Variants in TATDN2 observed in about 807,000 individuals in gnomAD.
The protein encoded by TATDN2 is 3'-5' RNA nuclease TATDN2.
A neutral mutation model predicts 60.3 loss-of-function variants in TATDN2; 44 were observed. That is an observed-to-expected ratio of 0.73 (90% confidence interval 0.57 to 0.94). The LOEUF (loss-of-function observed/expected upper bound fraction) is 0.94. Among genes scored for constraint, TATDN2 ranks in the 40% least tolerant of loss-of-function variants. The pLI is 0.00. For synonymous variants in TATDN2, 399 were observed against 355.8 expected, an observed-to-expected ratio of 1.12 and a Z score of -1.37; for missense variants, 997 against 948.0, an observed-to-expected ratio of 1.05 and a Z score of -0.68.
chr3:10,259,203 G>T (rs777615795), intron 2 of TATDN2, among the ~76,000 whole-genome samples: 2 of 152,160 alleles, frequency 1.3e-5, no homozygotes, highest in Non-Finnish European at 2.9e-5. Flanking sequence ...CGCCATGTTG[G>T]CCAGGCTTGT....
In TATDN2 at chr3:10,278,950, C is replaced by T. The variant is rs774125349; in HGVS notation, c.2211C>T (p.Ala737=). The change falls in exon 7 of 8, where the codon GCC becomes GCT. Residue 737 remains alanine, a synonymous_variant. Transcript: ENST00000448281. This position sits in a 1 kb window ranked among gnomAD's most constrained non-coding sequence, Gnocchi z 4.7. ...CCTTGCATACGGTCCGAGAGATTGC[C>T]AGAGTCAAAGATCAGCCACTCTCCC... ...GLALHTVREI[A]RVKDQPLSLT... is the part of the protein sequence containing the mutation. 10 of 1,613,824 alleles carry T rather than the reference C, an allele frequency of 6.2e-6. No individual in the cohort carries two copies. In the South Asian group the frequency reaches 1.1e-4, roughly 18 times the overall value.
intron 3 of TATDN2, among the ~76,000 whole-genome samples, chr3:10,261,682 TAC>T (rs1471921430): frequency 6.6e-6 from 1 of 152,224 alleles, no homozygotes; most frequent in Non-Finnish European, 1.5e-5. Context: ...TCCTCCATCT[TAC>T]TCGTCTCCAC....
intron 3 of TATDN2, among the ~76,000 whole-genome samples, chr3:10,266,805 T>C (rs1418348878): frequency 6.6e-6 from 1 of 152,216 alleles, no homozygotes; most frequent in African/African-American, 2.4e-5. Flanking sequence ...AGAAATGTTC[T>C]TGTGGGCTGC....
intron 2 of TATDN2, among the ~76,000 whole-genome samples, chr3:10,251,938 G>A (rs1216663162): frequency 1.3e-5 from 2 of 150,798 alleles, no homozygotes; most frequent in Non-Finnish European, 3.0e-5. Flanking sequence ...CACGAGGTCA[G>A]GAGATTGAGA....
intron 2 of TATDN2, among the ~76,000 whole-genome samples, chr3:10,259,193 C>T (rs1028461623): frequency 1.3e-5 from 2 of 151,424 alleles, no homozygotes; most frequent in Admixed American, 6.6e-5. Flanking sequence ...GATGGGGTTT[C>T]GCCATGTTGG....
rs967560015 is a variant in TATDN2, at chr3:10,280,839, T to C, written c.*1657T>C. On this transcript the variant is annotated 3_prime_UTR_variant, in exon 8 of 8. Coordinates refer to ENST00000448281, the MANE Select transcript of TATDN2 (RefSeq NM_014760.4). ...ACTGCCGAGCATATCAAAGTGTTTA[T>C]AGTCACCAAGTGAACTGCAGCACAA... 2.0e-5 allele frequency: 3 copies of C among 153,648 alleles called. No homozygotes were observed. Among genetic ancestry groups the C allele is most frequent in the Admixed American group, 6.5e-5 (1 of 15,276 alleles). The allele number at this position is 153,648 out of a possible 1,614,324, so 9.5% of individuals were successfully genotyped here.
chr3:10,264,966 G>T (rs1413079884), intron 3 of TATDN2, among the ~76,000 whole-genome samples: 1 of 139,778 alleles, frequency 7.2e-6, no homozygotes, highest in South Asian at 2.3e-4. Flanking sequence ...GTGAGCCACC[G>T]CGCCTGGCTC....
intron 2 of TATDN2, among the ~76,000 whole-genome samples, chr3:10,253,944 C>T (rs1165133889): frequency 1.1e-4 from 16 of 152,326 alleles, no homozygotes; most frequent in African/African-American, 3.6e-4. Flanking sequence ...TCTGGGAGCA[C>T]CTGCTCTGTT....
At chr3:10,270,030 C>T in intron 3 of TATDN2, 101 bp from the exon 4 acceptor site, 1 of 1,449,090 alleles carries the variant, frequency 6.9e-7, no homozygotes. Flanking sequence ...ATCACCATGG[C>T]CAGAAGAACA....
In TATDN2 at chr3:10,280,659, TCTTGCC is replaced by T. The variant is rs1698721476; in HGVS notation, c.*1479_*1484del. On this transcript the variant is annotated 3_prime_UTR_variant, in exon 8 of 8. Coordinates refer to ENST00000448281, the MANE Select transcript of TATDN2 (RefSeq NM_014760.4). ...TAATATTTCCTATCTGGCATTTCCA[TCTTGCC>T]CCTGGTACACAAGTCACTGGCCTGG... 1.3e-5 allele frequency: 2 copies of T among 153,828 alleles called. No homozygotes were observed. 9.5% of individuals were successfully genotyped at this position (153,828 alleles called of 1,614,324 possible).
At chr3:10,264,638 T>C (rs1469541961) in intron 3 of TATDN2, among the ~76,000 whole-genome samples, 2 of 152,066 alleles carry the variant, frequency 1.3e-5, no homozygotes, top group Non-Finnish European at 2.9e-5. Context: ...TCCCAGTGAA[T>C]CCTTTTTAAA....
Position 10,278,697 on chromosome 3 carries a change from C to A in TATDN2, c.2146-188C>A. On this transcript the variant is annotated intron_variant, in intron 6 of 7. Coordinates refer to ENST00000448281, the MANE Select transcript of TATDN2 (RefSeq NM_014760.4). The surrounding 1 kb of genome is among the most constrained non-coding windows in gnomAD (Gnocchi z 4.7). ...AAGCCCTACCCTGTAGAGGGTAGTC[C>A]AAGGAAGCGTGGGACCCTGCTCACC... 1 of 1,028,566 alleles carries A rather than the reference C, an allele frequency of 9.7e-7. No individual in the cohort carries two copies. The highest frequency in any genetic ancestry group is 1.5e-6 in the Non-Finnish European group (1 of 682,068). The allele number at this position is 1,028,566 out of a possible 1,614,324, so 63.7% of individuals were successfully genotyped here.
chr3:10,262,230 C>G (rs138511656), intron 3 of TATDN2, among the ~76,000 whole-genome samples: 1 of 152,228 alleles, frequency 6.6e-6, no homozygotes, highest in Admixed American at 6.5e-5. Flanking sequence ...GTCAGGCCAG[C>G]TGGCAGCTGT....
chr3:10,269,474 C>T (rs1698525679), intron 3 of TATDN2, among the ~76,000 whole-genome samples: 1 of 152,030 alleles, frequency 6.6e-6, no homozygotes, highest in African/African-American at 2.4e-5. Flanking sequence ...TTTGGGAGGC[C>T]AAGGCAGGAG....
chr3:10,249,597 G>A lies in TATDN2; in HGVS notation c.397G>A (p.Glu133Lys), dbSNP rs1217018855. 5 of 1,521,354 alleles carry A rather than the reference G, an allele frequency of 3.3e-6. No individual in the cohort carries two copies. The highest frequency in any genetic ancestry group is 2.3e-5 in the East Asian group (1 of 43,404). 94.2% of individuals were successfully genotyped at this position (1,521,354 alleles called of 1,614,324 possible). ...SLEEMASLEEEACSLKVDSKD... is the reference protein window; with the variant it reads ...SLEEMASLEEKACSLKVDSKD... The stretch of plus-strand genomic sequence containing the variant: ...GGAAGAAATGGCTTCTCTAGAGGAG[G>A]AAGCCTGCAGCCTTAAGGTAGGTGG... The change falls in exon 2 of 8, where the codon GAA (glutamate) becomes AAA (lysine). Residue 133 changes from glutamate to lysine, a missense_variant. Glu to Lys is a moderately conservative substitution (Grantham distance 56, BLOSUM62 1). Transcript: ENST00000448281.
In TATDN2 at chr3:10,260,487, G is replaced by T; in HGVS notation, c.765G>T (p.Glu255Asp). 1 of 1,614,058 alleles carries T rather than the reference G, an allele frequency of 6.2e-7. No homozygotes were observed. Among genetic ancestry groups the T allele is most frequent in the African/African-American group, 1.3e-5 (1 of 75,050 alleles). ...AAQKEKDATP[E>D]VSMEEDKTVP... The stretch of plus-strand genomic sequence containing the variant: ...AGAAGGAGAAAGACGCAACCCCAGA[G>T]GTCAGCATGGAGGAGGATAAGACAG... The change falls in exon 3 of 8, where the codon GAG (glutamate) becomes GAT (aspartate). Residue 255 changes from glutamate to aspartate, a missense_variant. Physicochemically the swap from Glu to Asp is conservative, Grantham distance 45 (BLOSUM62 2). Transcript: ENST00000448281.
At chr3:10,257,871 T>TTTTTTTTTTTTTTTTTTTTTTTTC (rs1559460284) in intron 2 of TATDN2, among the ~76,000 whole-genome samples, 1 of 86,660 alleles carries the variant, frequency 1.2e-5, no homozygotes, top group Non-Finnish European at 2.0e-5. Flanking sequence ...TTTTTTTTTT[T>TTTTTTTTTTTTTTTTTTTTTTTTC]TTTTTGGGAG....
In TATDN2 at chr3:10,278,571, C is replaced by T; in HGVS notation, c.2145+109C>T. 6 of 1,438,638 alleles carry T rather than the reference C, an allele frequency of 4.2e-6. No homozygotes were observed. The highest frequency in any genetic ancestry group is 5.8e-6 in the Non-Finnish European group (6 of 1,028,740). The allele number at this position is 1,438,638 out of a possible 1,614,324, so 89.1% of individuals were successfully genotyped here. ...CAGAGCCCCAGTGACTTCCAGGTCC[C>T]ATCCTGGGCTGTGTAGATGCCTCCT... On this transcript the variant is annotated intron_variant, in intron 6 of 7. Transcript: ENST00000448281. The surrounding 1 kb of genome is among the most constrained non-coding windows in gnomAD (Gnocchi z 4.7).
chr3:10,268,698 G>C (rs1698513971), intron 3 of TATDN2, among the ~76,000 whole-genome samples: 1 of 152,206 alleles, frequency 6.6e-6, no homozygotes, highest in Non-Finnish European at 1.5e-5. Flanking sequence ...ATGCTACCCA[G>C]TTGATGGAGA....
Sources: allele counts gnomAD v4.1 joint callset (sites outside exome capture counted in the v4.1 genomes callset), GRCh38; gene constraint gnomAD v4.1.1; non-coding constraint Gnocchi (gnomAD v3.1); transcripts MANE v1.5; gene names NCBI Gene and HGNC (gene_info 2026-07-23, HGNC 2026-07-21).